The following MYCBP2 variants were observed in gnomAD, a reference collection of about 807,000 sequenced individuals.
The protein encoded by MYCBP2 is E3 ubiquitin-protein ligase MYCBP2.
A neutral mutation model predicts 525.3 loss-of-function variants in MYCBP2; 120 were observed. The observed-to-expected ratio is 0.23, with a 90% confidence interval of 0.20 to 0.27. The LOEUF (loss-of-function observed/expected upper bound fraction) is 0.27. Ranked by LOEUF, MYCBP2 falls within the 10% of genes least tolerant of loss-of-function variation. The pLI is 1.00. For synonymous variants in MYCBP2, 1,894 were observed against 1,955.8 expected (o/e 0.97, Z 0.83); for missense variants, 4,149 against 5,657.1 (o/e 0.73, Z 8.55).
Position 77,098,918 on chromosome 13 carries a change from C to T in MYCBP2, c.8236G>A (p.Gly2746Arg). The T allele has an allele frequency of 6.2e-7, 1 of 1,613,678 alleles. No individual in the cohort carries two copies. The highest frequency in any genetic ancestry group is 8.5e-7 in the Non-Finnish European group (1 of 1,179,780). The part of the protein sequence containing the change: ...SKHSRSLKPD[G>R]RMSRTTADQK... ...TCAGCAGTAGTCCGGCTCATACGTC[C>T]ATCAGGTTTAAGCGATCTGCTGTGT... The change falls in exon 56 of 83, where the codon GGA becomes AGA. Residue 2746 changes from glycine (G) to arginine (R), a missense_variant. This residue lies in a region of MYCBP2 where 653 missense variants were observed against 744.7 expected (regional missense o/e 0.88). Transcript: ENST00000544440.
chr13:77,065,998 C>T lies in MYCBP2; in HGVS notation c.12546G>A (p.Met4182Ile). Residue 4182 changes from methionine (M) to isoleucine (I), a missense_variant, in exon 72 of 83, where the codon ATG becomes ATA. Transcript: ENST00000544440. ...SEIIIKLIKD[M>I]AAGHLSEAWS... Reference sequence around the variant, plus strand: ...CAGAAGAATGGGAACTTACTGCTGCCATATCCTTGATAAGTTTAATGATGA... The same window carrying T: ...CAGAAGAATGGGAACTTACTGCTGCTATATCCTTGATAAGTTTAATGATGA... The T allele has an allele frequency of 6.2e-7, 1 of 1,610,496 alleles. No homozygotes were observed. The highest frequency in any genetic ancestry group is 8.5e-7 in the Non-Finnish European group (1 of 1,177,954).
At chr13:77,239,028 G>A (rs377584025) in intron 17 of MYCBP2, among the ~76,000 whole-genome samples, 48 of 152,264 alleles carry the variant, frequency 3.2e-4, no homozygotes, top group Middle Eastern at 3.4e-3. Flanking sequence ...GCCGAGGCAG[G>A]AGAATCGCTT....
intron 2 of MYCBP2, among the ~76,000 whole-genome samples, chr13:77,293,838 G>C (rs1318127506): frequency 1.3e-5 from 2 of 151,940 alleles, no homozygotes; most frequent in African/African-American, 4.8e-5. Flanking sequence ...TTCCCTCCTA[G>C]AGCCTCCAGA....
At chr13:77,132,280 A>T (rs893806277) in intron 52 of MYCBP2, among the ~76,000 whole-genome samples, 1 of 152,150 alleles carries the variant, frequency 6.6e-6, no homozygotes, top group Non-Finnish European at 1.5e-5. Context: ...TGTGACTGCT[A>T]AGTGTTATTA....
chr13:77,130,406 C>CAT (rs752346493), intron 52 of MYCBP2, among the ~76,000 whole-genome samples: 15 of 150,448 alleles, frequency 1.0e-4, no homozygotes, highest in African/African-American at 2.0e-4. Context: ...TTTCCATATC[C>CAT]ATATATATAT....
intron 62 of MYCBP2, among the ~76,000 whole-genome samples, chr13:77,085,341 G>C (rs2044058451): frequency 6.6e-6 from 1 of 152,098 alleles, no homozygotes; most frequent in East Asian, 1.9e-4. Flanking sequence ...GTTAAAACTT[G>C]CTTTATGTGT....
At chr13:77,200,097 C>T (rs1443935081) in intron 26 of MYCBP2, among the ~76,000 whole-genome samples, 1 of 152,040 alleles carries the variant, frequency 6.6e-6, no homozygotes, top group Non-Finnish European at 1.5e-5. Flanking sequence ...TTACTCTGAG[C>T]TACGGGAGGA....
intron 13 of MYCBP2, among the ~76,000 whole-genome samples, chr13:77,258,131 A>G (rs533253547): frequency 3.3e-5 from 5 of 152,316 alleles, no homozygotes; most frequent in Admixed American, 2.6e-4. Flanking sequence ...AGTACTTTCA[A>G]ACTTTTCTGG....
At chr13:77,293,119 G>A (rs991148393) in intron 2 of MYCBP2, among the ~76,000 whole-genome samples, 2 of 152,174 alleles carry the variant, frequency 1.3e-5, no homozygotes, top group Admixed American at 6.5e-5. Flanking sequence ...CAGCTACTGA[G>A]AAGCCTGAAG....
At position 77,098,516 on chromosome 13, in the gene MYCBP2, T is replaced by C; in HGVS notation, c.8638A>G (p.Thr2880Ala). The C allele has an allele frequency of 6.2e-7, 1 of 1,613,550 alleles. No individual in the cohort carries two copies. ...KSDSYTLDPD[T>A]LRKKKMPLTE... ...AGGGGCATTTTCTTCTTGCGGAGGGTATCTGGATCAAGTGTGTAAGAGTCT... is the reference window on the plus strand; with the variant it reads ...AGGGGCATTTTCTTCTTGCGGAGGGCATCTGGATCAAGTGTGTAAGAGTCT... The change falls in exon 56 of 83, where the codon ACC becomes GCC. Residue 2880 changes from threonine to alanine, a missense_variant. This residue lies in a region of MYCBP2 where 653 missense variants were observed against 744.7 expected (regional missense o/e 0.88). Transcript: ENST00000544440.
At chr13:77,237,553 T>C (rs1188802786) in intron 17 of MYCBP2, among the ~76,000 whole-genome samples, 1 of 152,024 alleles carries the variant, frequency 6.6e-6, no homozygotes, top group Non-Finnish European at 1.5e-5. Flanking sequence ...GATTAGAAGA[T>C]GACAACGAAA....
chr13:77,176,487 T>C lies in MYCBP2; in HGVS notation c.5472+10A>G, dbSNP rs2059716430. On this transcript the variant is annotated intron_variant, in intron 36 of 82. Transcript: ENST00000544440. Reference sequence around the variant, plus strand: ...TCTTATTCACAATAGAAACATTCAGTTGAAACTACCTTTAAAGGAACCACT... The same window carrying C: ...TCTTATTCACAATAGAAACATTCAGCTGAAACTACCTTTAAAGGAACCACT... 6.4e-7 allele frequency: 1 copy of C among 1,572,714 alleles called. No individual in the cohort carries two copies. The highest frequency in any genetic ancestry group is 8.7e-7 in the Non-Finnish European group (1 of 1,155,822).
Position 77,243,877 on chromosome 13 carries a change from T to C in MYCBP2, c.2456A>G (p.Asp819Gly), listed in dbSNP as rs776747774. The change falls in exon 16 of 83, where the codon GAT (aspartate) becomes GGT (glycine). Residue 819 changes from aspartate to glycine, a missense_variant. By Grantham distance (94) the Asp-to-Gly change is moderately conservative. Transcript: ENST00000544440. ...TCCTCTTTGTCTTGCCTCTTGACCA[T>C]CTAACTCTCTTGCACAGGCCTTGCA... ...GCCKACAREL[D>G]GQEARQRGIL... 4 of 1,612,496 alleles carry C rather than the reference T, an allele frequency of 2.5e-6. No homozygotes were observed. The Admixed American group carries it at 5.0e-5, about 20-fold the overall frequency.
At position 77,098,546 on chromosome 13, in the gene MYCBP2, T is replaced by G; in HGVS notation, c.8608A>C (p.Lys2870Gln). ...TKLDPPRERS[K>Q]SDSYTLDPDT... The stretch of plus-strand genomic sequence containing the variant: ...GGATCAAGTGTGTAAGAGTCTGATT[T>G]AGAACGTTCCCGAGGAGGATCAAGC... The change falls in exon 56 of 83, where the codon AAA (lysine) becomes CAA (glutamine). Residue 2870 changes from lysine (K) to glutamine (Q), a missense_variant. Around this residue, in one of 21 missense-constraint regions of MYCBP2, gnomAD observed 653 missense variants for 744.7 expected, o/e 0.88. Coordinates refer to ENST00000544440, the MANE Select transcript of MYCBP2 (RefSeq NM_015057.5). 7 of 1,613,746 alleles carry G rather than the reference T, an allele frequency of 4.3e-6. No individual in the cohort carries two copies. Among genetic ancestry groups the G allele is most frequent in the Non-Finnish European group, 5.1e-6 (6 of 1,179,804 alleles).
At chr13:77,151,041 T>A (rs1183761705) in intron 46 of MYCBP2, 92 bp from the exon 47 acceptor site, 4 of 1,030,116 alleles carry the variant, frequency 3.9e-6, no homozygotes, top group Non-Finnish European at 4.4e-6. Context: ...CTCATAATTA[T>A]GTATACTTTA....
chr13:77,145,630 T>G (rs1257228391), intron 48 of MYCBP2, among the ~76,000 whole-genome samples: 1 of 152,144 alleles, frequency 6.6e-6, no homozygotes, highest in East Asian at 1.9e-4. Context: ...AGGTGATCTC[T>G]CCAAAGTATA....
intron 28 of MYCBP2, 97 bp from the exon 29 acceptor site, chr13:77,190,432 G>T: frequency 4.1e-6 from 3 of 731,870 alleles, no homozygotes; most frequent in Non-Finnish European, 6.8e-6. Flanking sequence ...CAATGAAAAT[G>T]ATTCACTCTT....
At chr13:77,238,904 T>G (rs1174546213) in intron 17 of MYCBP2, among the ~76,000 whole-genome samples, 3 of 152,190 alleles carry the variant, frequency 2.0e-5, no homozygotes, top group Admixed American at 2.0e-4. Context: ...GCTGATCACC[T>G]GAGGTCAGAA....
chr13:77,285,857 GGGAAAGGAAAGGAAA>G (rs71102731), intron 3 of MYCBP2, among the ~76,000 whole-genome samples: 86,882 of 146,036 alleles, frequency 0.59, 28,444 homozygotes, highest in Non-Finnish European at 0.73. Flanking sequence ...GAGAAAGGAA[GGGAAAGGAAAGGAAA>G]GGAAAGGAAA....
Sources: gnomAD v4.1 joint callset for allele counts (sites outside exome capture counted in the v4.1 genomes callset) on GRCh38, gnomAD v4.1.1 for gene constraint, gnomAD v4.1.1 regional missense constraint, MANE v1.5 for transcripts, NCBI Gene and HGNC (gene_info 2026-07-23, HGNC 2026-07-21) for gene names.